Variants in ZCCHC24 observed in about 807,000 individuals in gnomAD.
ZCCHC24 encodes the protein zinc finger CCHC-type containing 24.
In ZCCHC24, 10 loss-of-function variants were observed where a neutral mutation model predicts 26.2. The ratio of observed to expected loss-of-function variants is 0.38; its 90% CI spans 0.24 to 0.65. The LOEUF is 0.65. ZCCHC24 is among the 30% of genes least tolerant of loss of function. The probability of loss-of-function intolerance (pLI) is 0.54; values close to 1 mark genes in which losing one functional copy is unlikely to be tolerated. For synonymous variants in ZCCHC24, 144 were observed against 147.1 expected (o/e 0.98, Z 0.15); for missense variants, 243 against 329.1 (o/e 0.74, Z 2.03).
chr10:79,401,883 C>A lies in ZCCHC24; in HGVS notation c.448-7443G>T, dbSNP rs73297214. Among the ~76,000 whole-genome samples the A allele has an allele frequency of 2.3e-3, 353 of 152,382 alleles. 1 individual carries two copies. The highest frequency in any genetic ancestry group is 8.1e-3 in the African/African-American group (338 of 41,602). On this transcript the variant is annotated intron_variant, in intron 2 of 3. Transcript: ENST00000372336. ...CCTGCTGGCCCCTGTCCTGCCCGGT[C>A]TGCCCAGTCTGCGTGCTTTCCTGCA...
intron 2 of ZCCHC24, among the ~76,000 whole-genome samples, chr10:79,398,157 A>G (rs941999581): frequency 6.6e-6 from 1 of 152,166 alleles, no homozygotes; most frequent in Non-Finnish European, 1.5e-5. Context: ...CTGTCAGGCC[A>G]GGCACTGGGA....
At chr10:79,428,491 A>AATTTCAGTTTTGCAAGATAAATTTC (rs200871859) in intron 2 of ZCCHC24, among the ~76,000 whole-genome samples, 6 of 136,840 alleles carry the variant, frequency 4.4e-5, no homozygotes, top group East Asian at 2.0e-4. Context: ...TTGCAAGATA[A>AATTTCAGTTTTGCAAGATAAATTTC]AAAGAGCTCT....
chr10:79,391,168 A>C (rs1198985482), intron 3 of ZCCHC24, among the ~76,000 whole-genome samples: 2 of 152,102 alleles, frequency 1.3e-5, no homozygotes, highest in Non-Finnish European at 2.9e-5. Flanking sequence ...ACAGTGGCCT[A>C]ATGACTGGAA....
At chr10:79,429,033 G>A (rs1857089699) in intron 2 of ZCCHC24, among the ~76,000 whole-genome samples, 1 of 152,178 alleles carries the variant, frequency 6.6e-6, no homozygotes, top group Admixed American at 6.5e-5. Flanking sequence ...GGCATCGCAG[G>A]TGAATTCTAT....
chr10:79,432,343 G>T (rs13376860), intron 2 of ZCCHC24, among the ~76,000 whole-genome samples: 4,370 of 152,322 alleles, frequency 0.029, 218 homozygotes, highest in African/African-American at 0.1. Flanking sequence ...TGACCAACCA[G>T]CGTGGGCCCA....
chr10:79,414,430 C>T (rs1157315464), intron 2 of ZCCHC24, among the ~76,000 whole-genome samples: 1 of 152,178 alleles, frequency 6.6e-6, no homozygotes, highest in East Asian at 1.9e-4. Context: ...CTCTTAAAGT[C>T]ACAAAACCAG....
chr10:79,440,649 C>T (rs1857281477), intron 1 of ZCCHC24, among the ~76,000 whole-genome samples: 1 of 152,138 alleles, frequency 6.6e-6, no homozygotes. Flanking sequence ...CTTGCCAGGC[C>T]TCTGTGTCCT....
chr10:79,444,973 T>C (rs999673476), intron 1 of ZCCHC24, among the ~76,000 whole-genome samples: 3 of 152,096 alleles, frequency 2.0e-5, no homozygotes, highest in East Asian at 1.9e-4. Flanking sequence ...CCGGCCTGCA[T>C]TGCTCCAGCC....
chr10:79,417,740 AG>A (rs1283765339), intron 2 of ZCCHC24, among the ~76,000 whole-genome samples: 28 of 152,330 alleles, frequency 1.8e-4, no homozygotes, highest in Admixed American at 2.6e-4. Flanking sequence ...TCCGTGAGCC[AG>A]GCATGAGGAA....
chr10:79,397,355 G>A (rs1015107817), intron 2 of ZCCHC24, among the ~76,000 whole-genome samples: 2 of 152,190 alleles, frequency 1.3e-5, no homozygotes, highest in Admixed American at 6.5e-5. Flanking sequence ...TGGGCAGCTA[G>A]GGCCCGGGGC....
At chr10:79,397,866 C>A (rs11002957) in intron 2 of ZCCHC24, among the ~76,000 whole-genome samples, 2 of 152,006 alleles carry the variant, frequency 1.3e-5, no homozygotes, top group East Asian at 3.9e-4. Context: ...TGGGGCCAGA[C>A]TGGAGGTGGA....
At chr10:79,413,416 C>T (rs376882742) in intron 2 of ZCCHC24, among the ~76,000 whole-genome samples, 3 of 152,156 alleles carry the variant, frequency 2.0e-5, no homozygotes, top group Admixed American at 6.5e-5. Context: ...GGGAGTGGAA[C>T]GGAAGACTGT....
intron 2 of ZCCHC24, 116 bp from the exon 3 acceptor site, chr10:79,394,556 C>CA: frequency 6.7e-7 from 1 of 1,481,632 alleles, no homozygotes; most frequent in Non-Finnish European, 8.9e-7. Context: ...TGTGCAGGCA[C>CA]CTTTTGTCCC....
chr10:79,439,155 G>A (rs973112030), intron 1 of ZCCHC24, among the ~76,000 whole-genome samples: 2 of 152,180 alleles, frequency 1.3e-5, no homozygotes, highest in Non-Finnish European at 2.9e-5. Context: ...GCATGTGCAC[G>A]CATGCTTATG....
intron 2 of ZCCHC24, among the ~76,000 whole-genome samples, chr10:79,417,486 T>G (rs2132201747): frequency 6.6e-6 from 1 of 152,174 alleles, no homozygotes; most frequent in East Asian, 1.9e-4. Context: ...TCCTAGAGGA[T>G]GGACCCCCAT....
chr10:79,439,702 G>A (rs1293037337), intron 1 of ZCCHC24, among the ~76,000 whole-genome samples: 1 of 150,688 alleles, frequency 6.6e-6, no homozygotes, highest in Non-Finnish European at 1.5e-5. Flanking sequence ...TGAGGCAGGA[G>A]AATCTCTTGA....
intron 2 of ZCCHC24, among the ~76,000 whole-genome samples, chr10:79,406,348 A>G (rs1023507822): frequency 6.6e-6 from 1 of 152,102 alleles, no homozygotes; most frequent in Non-Finnish European, 1.5e-5. Context: ...CTGTTCTTCA[A>G]TTGGGTGGAG....
chr10:79,407,293 C>G (rs1185913709), intron 2 of ZCCHC24, among the ~76,000 whole-genome samples: 2 of 152,242 alleles, frequency 1.3e-5, no homozygotes, highest in East Asian at 1.9e-4. Context: ...GACTGTTGCA[C>G]AGTAACCATG....
intron 1 of ZCCHC24, among the ~76,000 whole-genome samples, chr10:79,439,512 A>C (rs575186531): frequency 3.7e-4 from 56 of 152,356 alleles, no homozygotes; most frequent in African/African-American, 1.3e-3. Flanking sequence ...GCTAAGAACC[A>C]GATGCCAGGA....
Sources: allele counts gnomAD v4.1 joint callset (sites outside exome capture counted in the v4.1 genomes callset), GRCh38; gene constraint gnomAD v4.1.1; transcripts MANE v1.5; gene names NCBI Gene and HGNC (gene_info 2026-07-23, HGNC 2026-07-21).